The following SHANK2 variants were observed in gnomAD, a reference collection of about 807,000 sequenced individuals.
SHANK2 encodes SH3 and multiple ankyrin repeat domains 2.
Under a neutral mutation model 133.7 loss-of-function variants are expected in SHANK2, and 43 were observed. The observed-to-expected ratio is 0.32, with a 90% CI of 0.25 to 0.41. SHANK2 has a LOEUF of 0.41. Among genes scored for constraint, SHANK2 ranks in the 10% least tolerant of loss-of-function variants. The probability of loss-of-function intolerance (pLI) is 1.00; values close to 1 mark genes in which losing one functional copy is unlikely to be tolerated. For synonymous variants in SHANK2, 1,017 were observed against 952.8 expected (o/e 1.07, Z -1.24); for missense variants, 1,994 against 2,235.8 (o/e 0.89, Z 2.18).
chr11:70,757,344 G>T (rs541429893), intron 14 of SHANK2, among the ~76,000 whole-genome samples: 3 of 152,224 alleles, frequency 2.0e-5, no homozygotes, highest in Non-Finnish European at 4.4e-5. Flanking sequence ...AGATAAGAGT[G>T]AGCATAGCAG....
intron 8 of SHANK2, among the ~76,000 whole-genome samples, chr11:71,088,232 C>A (rs1277445797): frequency 1.3e-5 from 2 of 152,180 alleles, no homozygotes; most frequent in Non-Finnish European, 2.9e-5. Flanking sequence ...GCCTGCCCTG[C>A]AGATTTTGGA....
chr11:71,196,426 C>G (rs1277272517), intron 2 of SHANK2, among the ~76,000 whole-genome samples: 3 of 151,964 alleles, frequency 2.0e-5, no homozygotes, highest in Non-Finnish European at 4.4e-5. Flanking sequence ...GCTCGGATTA[C>G]AGGCGCATGC....
At chr11:70,528,378 T>C (rs2059425559) in intron 17 of SHANK2, among the ~76,000 whole-genome samples, 1 of 152,148 alleles carries the variant, frequency 6.6e-6, no homozygotes. Context: ...CGACGCGCAA[T>C]GCAGGTGCCA....
At chr11:70,871,783 G>A (rs930950098) in intron 11 of SHANK2, among the ~76,000 whole-genome samples, 1 of 152,146 alleles carries the variant, frequency 6.6e-6, no homozygotes, top group African/African-American at 2.4e-5. Flanking sequence ...CCAGGAAAGA[G>A]GCACAGTCCC....
chr11:70,749,083 C>T (rs1414141348), intron 14 of SHANK2, among the ~76,000 whole-genome samples: 1 of 152,220 alleles, frequency 6.6e-6, no homozygotes, highest in Non-Finnish European at 1.5e-5. Context: ...TTCATGGGGG[C>T]TTTGTCCTGA....
At chr11:70,664,108 G>A (rs1944635062) in intron 15 of SHANK2, among the ~76,000 whole-genome samples, 1 of 152,158 alleles carries the variant, frequency 6.6e-6, no homozygotes, top group African/African-American at 2.4e-5. Flanking sequence ...AGGGAGAGCT[G>A]GGGCTCTACT....
At chr11:70,929,311 C>T (rs527646316) in intron 10 of SHANK2, among the ~76,000 whole-genome samples, 10 of 152,324 alleles carry the variant, frequency 6.6e-5, no homozygotes, top group South Asian at 6.2e-4. Context: ...TAAAATGGGA[C>T]GTGCCTCAAA....
intron 17 of SHANK2, among the ~76,000 whole-genome samples, chr11:70,511,902 T>TA (rs1206384697): frequency 9.2e-5 from 14 of 152,232 alleles, no homozygotes; most frequent in Non-Finnish European, 1.8e-4. Context: ...TACATACACA[T>TA]ACACAGAGTT....
intron 10 of SHANK2, among the ~76,000 whole-genome samples, chr11:70,911,436 C>T (rs979255559): frequency 3.3e-5 from 5 of 152,170 alleles, no homozygotes; most frequent in Middle Eastern, 3.4e-3. Flanking sequence ...CATTCCATGC[C>T]CTAGTTACTC....
intron 3 of SHANK2, among the ~76,000 whole-genome samples, chr11:71,126,334 T>C (rs2135305931): frequency 6.6e-6 from 1 of 152,124 alleles, no homozygotes; most frequent in South Asian, 2.1e-4. Context: ...TTACTGAATA[T>C]TGTAAGCCCA....
chr11:70,901,747 G>A (rs1474269647), intron 10 of SHANK2, among the ~76,000 whole-genome samples: 1 of 152,210 alleles, frequency 6.6e-6, no homozygotes, highest in Non-Finnish European at 1.5e-5. Context: ...GCCATCGCCA[G>A]CTTTGGAGTA....
intron 14 of SHANK2, among the ~76,000 whole-genome samples, chr11:70,770,659 C>T (rs1430385946): frequency 6.6e-6 from 1 of 152,124 alleles, no homozygotes; most frequent in African/African-American, 2.4e-5. Flanking sequence ...AAGTTGTAAC[C>T]GTTTACAAAT....
At chr11:71,063,781 C>T (rs1951014820) in intron 9 of SHANK2, among the ~76,000 whole-genome samples, 1 of 152,212 alleles carries the variant, frequency 6.6e-6, no homozygotes, top group African/African-American at 2.4e-5. Context: ...ACCCGAGCAT[C>T]AAGAAGAATA....
chr11:70,595,912 G>A (rs1554989407), intron 17 of SHANK2, among the ~76,000 whole-genome samples: 1 of 152,220 alleles, frequency 6.6e-6, no homozygotes, highest in Non-Finnish European at 1.5e-5. Context: ...TCCAGCGACT[G>A]GTGTCCTTGT....
chr11:70,905,330 G>A (rs562936608), intron 10 of SHANK2, among the ~76,000 whole-genome samples: 20 of 152,226 alleles, frequency 1.3e-4, no homozygotes, highest in Middle Eastern at 3.4e-3. Context: ...ACGCCCACCC[G>A]CACACCCTTC....
At chr11:70,808,271 G>A (rs1948205303) in intron 12 of SHANK2, among the ~76,000 whole-genome samples, 1 of 151,874 alleles carries the variant, frequency 6.6e-6, no homozygotes, top group African/African-American at 2.4e-5. Flanking sequence ...GCATGATCTC[G>A]GCTCACTGCA....
intron 11 of SHANK2, among the ~76,000 whole-genome samples, chr11:70,865,437 G>C (rs1327908849): frequency 1.3e-5 from 2 of 152,178 alleles, no homozygotes; most frequent in African/African-American, 4.8e-5. Flanking sequence ...GAATACAATG[G>C]GCCCAGGAGG....
At chr11:70,688,349 T>G (rs571392406) in intron 15 of SHANK2, among the ~76,000 whole-genome samples, 3 of 152,278 alleles carry the variant, frequency 2.0e-5, no homozygotes, top group South Asian at 2.1e-4. Context: ...CCAAGTCAGG[T>G]GCTTGACGTC....
chr11:70,521,045 T>C (rs12282493), intron 17 of SHANK2, among the ~76,000 whole-genome samples: 34 of 152,376 alleles, frequency 2.2e-4, no homozygotes, highest in African/African-American at 7.9e-4. Context: ...CATGTGACTT[T>C]GTGTCTTCAA....
Sources: allele counts gnomAD v4.1 joint callset (sites outside exome capture counted in the v4.1 genomes callset), GRCh38; gene constraint gnomAD v4.1.1; transcripts MANE v1.5; gene names NCBI Gene and HGNC (gene_info 2026-07-23, HGNC 2026-07-21).